Variants in ETFDH observed in about 807,000 individuals in gnomAD.
ETFDH encodes electron transfer flavoprotein-ubiquinone oxidoreductase, mitochondrial.
Under a neutral mutation model 73.2 loss-of-function variants are expected in ETFDH, and 61 were observed. That is an observed-to-expected ratio of 0.83 (90% confidence interval 0.68 to 1.03). The LOEUF is 1.03. Among genes scored for constraint, ETFDH ranks in the 50% least tolerant of loss-of-function variants. The pLI is 0.00. For synonymous variants in ETFDH, 243 were observed against 253.3 expected, an observed-to-expected ratio of 0.96 and a Z score of 0.39; for missense variants, 685 against 745.0, an observed-to-expected ratio of 0.92 and a Z score of 0.94.
Position 158,706,294 on chromosome 4 carries a change from T to C in ETFDH, c.1391T>C (p.Val464Ala), listed in dbSNP as rs1774612424. Residue 464 changes from valine to alanine, a missense_variant, in exon 11 of 13, where the codon GTA (valine) becomes GCA (alanine). Val to Ala is a moderately conservative substitution (Grantham distance 64). This residue lies in a region of ETFDH where 201 missense variants were observed against 225.2 expected (regional missense o/e 0.89). Coordinates refer to ENST00000511912, the MANE Select transcript of ETFDH (RefSeq NM_004453.4). Reference sequence around the variant, plus strand: ...CCGTCCTGCCACGGAGTACTGGGTGTATATGGAGGGATGATTTACACTGGA... The same window carrying C: ...CCGTCCTGCCACGGAGTACTGGGTGCATATGGAGGGATGATTTACACTGGA... ...IRPSCHGVLG[V>A]YGGMIYTGIF... The C allele has an allele frequency of 1.9e-6, 3 of 1,612,392 alleles. No individual in the cohort carries two copies. The highest frequency in any genetic ancestry group is 1.7e-6 in the Non-Finnish European group (2 of 1,178,526).
chr4:158,687,458 A>T (rs76501263), intron 5 of ETFDH, among the ~76,000 whole-genome samples: 1,769 of 152,298 alleles, frequency 0.012, 26 homozygotes, highest in African/African-American at 0.038. Flanking sequence ...TATTATCTTA[A>T]GAGCCCCAGC....
chr4:158,675,940 T>C lies in ETFDH; in HGVS notation c.34+3450T>C, dbSNP rs576261508. ...CAAAGAGACTGCATCATTTTTGCAT[T>C]CCCCCAGGAGTGTATGAAGGTTCCA... is the stretch of plus-strand genomic sequence containing the variant. On this transcript the variant is annotated intron_variant, in intron 1 of 12. Transcript: ENST00000511912. 2.6e-5 allele frequency among the ~76,000 whole-genome samples: 4 copies of C among 152,274 alleles called. No individual in the cohort carries two copies. In the South Asian group the frequency reaches 8.3e-4, roughly 32 times the overall value.
At chr4:158,686,420 A>G (rs1199078080) in intron 5 of ETFDH, among the ~76,000 whole-genome samples, 1 of 152,234 alleles carries the variant, frequency 6.6e-6, no homozygotes, top group East Asian at 1.9e-4. Context: ...GCTTAGGTAC[A>G]ATAAGAATGG....
intron 5 of ETFDH, among the ~76,000 whole-genome samples, chr4:158,688,891 T>C (rs912143871): frequency 6.6e-6 from 1 of 152,154 alleles, no homozygotes; most frequent in African/African-American, 2.4e-5. Flanking sequence ...AATATCTCGT[T>C]TTTTTGTTGT....
chr4:158,697,239 C>T (rs1300506889), intron 7 of ETFDH, among the ~76,000 whole-genome samples: 1 of 152,028 alleles, frequency 6.6e-6, no homozygotes, highest in Non-Finnish European at 1.5e-5. Context: ...GGATTACAGG[C>T]ATCCGCCACC....
At chr4:158,690,225 C>A in intron 5 of ETFDH, 123 bp from the exon 6 acceptor site, 1 of 668,702 alleles carries the variant, frequency 1.5e-6, no homozygotes, top group Non-Finnish European at 2.7e-6. Context: ...ACATTTTAAA[C>A]TCTGTATTTC....
intron 5 of ETFDH, among the ~76,000 whole-genome samples, chr4:158,689,607 T>TGA (rs1774103495): frequency 1.2e-5 from 1 of 83,624 alleles, no homozygotes; most frequent in Non-Finnish European, 2.5e-5. Context: ...TATATATATA[T>TGA]ATATATATAT....
chr4:158,673,858 A>G lies in ETFDH; in HGVS notation c.34+1368A>G, dbSNP rs376096381. Among the ~76,000 whole-genome samples, 7 of 152,360 alleles carry G rather than the reference A, an allele frequency of 4.6e-5. No individual in the cohort carries two copies. In the East Asian group the frequency reaches 1.2e-3, roughly 25 times the overall value. On this transcript the variant is annotated intron_variant, in intron 1 of 12. Coordinates refer to ENST00000511912, the MANE Select transcript of ETFDH (RefSeq NM_004453.4). ...TGAAAGAGGTAGACACCAATGTGCC[A>G]TCAGTGTGACTTTGATATGGTGATG...
At chr4:158,701,304 A>C (rs1774456107) in intron 9 of ETFDH, among the ~76,000 whole-genome samples, 1 of 152,172 alleles carries the variant, frequency 6.6e-6, no homozygotes, top group South Asian at 2.1e-4. Flanking sequence ...CTTATTTGAG[A>C]AAAGCATTGT....
chr4:158,688,469 A>T (rs149967354), intron 5 of ETFDH, among the ~76,000 whole-genome samples: 1,714 of 150,766 alleles, frequency 0.011, 26 homozygotes, highest in African/African-American at 0.037. Context: ...GCGGATCACG[A>T]GGTCAGGAGA....
intron 1 of ETFDH, among the ~76,000 whole-genome samples, chr4:158,677,459 AG>A (rs1185176636): frequency 2.6e-5 from 4 of 152,230 alleles, no homozygotes; most frequent in African/African-American, 9.6e-5. Flanking sequence ...TTGCCTTAAA[AG>A]GTATCAGACT....
chr4:158,681,934 G>A, intron 2 of ETFDH: 1 of 481,546 alleles, frequency 2.1e-6, no homozygotes. Flanking sequence ...TTTTACACAA[G>A]TAAATATTTG....
At chr4:158,699,830 C>T (rs1774411000) in intron 9 of ETFDH, among the ~76,000 whole-genome samples, 3 of 152,132 alleles carry the variant, frequency 2.0e-5, no homozygotes, top group Admixed American at 6.5e-5. Context: ...CATTCAAAAT[C>T]TTCTCAAATA....
At chr4:158,693,294 C>G (rs978519668) in intron 6 of ETFDH, among the ~76,000 whole-genome samples, 4 of 152,130 alleles carry the variant, frequency 2.6e-5, no homozygotes, top group African/African-American at 9.7e-5. Flanking sequence ...TTTGACTTGG[C>G]TCTCTTACAG....
At chr4:158,685,302 T>C (rs918443689) in intron 5 of ETFDH, 83 bp downstream of exon 5, 194 of 794,190 alleles carry the variant, frequency 2.4e-4, no homozygotes, top group Non-Finnish European at 3.2e-4. Flanking sequence ...GTTGAAGAAA[T>C]AAATATTTTT....
chr4:158,678,431 C>G (rs1773764540), intron 1 of ETFDH, among the ~76,000 whole-genome samples: 1 of 152,058 alleles, frequency 6.6e-6, no homozygotes, highest in Admixed American at 6.6e-5. Context: ...GATAAAGAAC[C>G]CTTTTCACCA....
At chr4:158,673,742 A>G (rs979011530) in intron 1 of ETFDH, among the ~76,000 whole-genome samples, 5 of 152,312 alleles carry the variant, frequency 3.3e-5, no homozygotes, top group Admixed American at 6.5e-5. Flanking sequence ...TTTAGATGCA[A>G]TCAGCCTTGG....
intron 2 of ETFDH, 170 bp from the exon 3 acceptor site, chr4:158,682,025 A>G: frequency 2.4e-6 from 2 of 833,462 alleles, no homozygotes; most frequent in Non-Finnish European, 3.7e-6. Context: ...ACAGAACCTA[A>G]GAATATAATC....
rs1452265763 is a variant in ETFDH at position 158,699,019 on chromosome 4, T to G, written c.1005T>G (p.Ser335Arg). 6.2e-7 allele frequency: 1 copy of G among 1,610,784 alleles called. No homozygotes were observed. Among genetic ancestry groups the G allele is most frequent in the Non-Finnish European group, 8.5e-7 (1 of 1,177,118 alleles). ...VGLDYQNPYL[S>R]PFREFQRWKH... Reference sequence around the variant, plus strand: ...TAGACTATCAGAATCCATACCTGAGTCCATTTAGAGAGTTCCAAAGGTGGA... The same window carrying G: ...TAGACTATCAGAATCCATACCTGAGGCCATTTAGAGAGTTCCAAAGGTGGA... The change falls in exon 9 of 13, where the codon AGT becomes AGG. Residue 335 changes from serine (S) to arginine (R), a missense_variant. Coordinates refer to ENST00000511912, the MANE Select transcript of ETFDH (RefSeq NM_004453.4).
Sources: allele counts gnomAD v4.1 joint callset (sites outside exome capture counted in the v4.1 genomes callset), GRCh38; gene constraint gnomAD v4.1.1; regional missense constraint gnomAD v4.1.1; transcripts MANE v1.5; gene names NCBI Gene and HGNC (gene_info 2026-07-23, HGNC 2026-07-21).